Variants in AK5 observed in about 807,000 individuals in gnomAD.
The protein encoded by AK5 is adenylate kinase isoenzyme 5.
AK5 carries 27 observed loss-of-function variants against 69.5 expected under a neutral mutation model. The observed-to-expected ratio is 0.39, with a 90% confidence interval of 0.29 to 0.54. The LOEUF (loss-of-function observed/expected upper bound fraction) is 0.54, where lower values mean the gene tolerates loss of function less well. AK5 is among the 20% of genes least tolerant of loss of function. The pLI is 0.71. For missense variants in AK5, 531 were observed against 700.4 expected (o/e 0.76, Z 2.73); for synonymous variants, 260 against 244.4 (o/e 1.06, Z -0.60).
intron 6 of AK5, among the ~76,000 whole-genome samples, chr1:77,370,655 A>G (rs1321880673): frequency 1.3e-5 from 2 of 152,226 alleles, no homozygotes; most frequent in Admixed American, 6.5e-5. Flanking sequence ...CTGTTCTCCC[A>G]TTTAGTACAG....
Position 77,423,626 on chromosome 1 carries a change from C to G in AK5, c.1059+5911C>G, listed in dbSNP as rs544184426. ...AACAGAAACCCTCAAGCAGAAACGT[C>G]TGTAGAAGCCTGTACCAGGGCTGGA... On this transcript the variant is annotated intron_variant, in intron 8 of 13. Transcript: ENST00000354567. 7.9e-5 allele frequency among the ~76,000 whole-genome samples: 12 copies of G among 152,032 alleles called. No individual in the cohort carries two copies. The Middle Eastern group carries it at 0.014, about 172-fold the overall frequency.
At chr1:77,367,556 T>G (rs111811387) in intron 6 of AK5, among the ~76,000 whole-genome samples, 15,441 of 26,716 alleles carry the variant, frequency 0.58, 3,220 homozygotes, top group Middle Eastern at 0.68. Flanking sequence ...TTATGTTATT[T>G]TTATATATAT....
chr1:77,417,771 T>A, intron 8 of AK5, 56 bp downstream of exon 8: 1 of 1,091,754 alleles, frequency 9.2e-7, no homozygotes, highest in Non-Finnish European at 1.4e-6. Context: ...TGAACCTTTG[T>A]AAATGTTTTA....
At chr1:77,550,256 G>A (rs1659758767) in intron 13 of AK5, among the ~76,000 whole-genome samples, 1 of 152,156 alleles carries the variant, frequency 6.6e-6, no homozygotes, top group African/African-American at 2.4e-5. Flanking sequence ...GTAAATTCTT[G>A]AAGTCAGAAG....
At chr1:77,468,700 T>C (rs1481875872) in intron 8 of AK5, among the ~76,000 whole-genome samples, 1 of 152,238 alleles carries the variant, frequency 6.6e-6, no homozygotes, top group Non-Finnish European at 1.5e-5. Context: ...CATCTATTTG[T>C]GTTTGGTACT....
At chr1:77,409,006 A>G (rs1649851134) in intron 6 of AK5, among the ~76,000 whole-genome samples, 1 of 152,152 alleles carries the variant, frequency 6.6e-6, no homozygotes, top group South Asian at 2.1e-4. Flanking sequence ...AAGTAAGGAC[A>G]TGTGGTATTT....
chr1:77,491,513 G>A (rs1355041091), intron 10 of AK5, among the ~76,000 whole-genome samples: 2 of 151,946 alleles, frequency 1.3e-5, no homozygotes, highest in African/African-American at 4.8e-5. Flanking sequence ...CACCATGTTG[G>A]CCAGGCTGGT....
rs1208780814 is a variant in AK5 at position 77,559,602 on chromosome 1, G to C, written c.*932G>C. On this transcript the variant is annotated 3_prime_UTR_variant, in exon 14 of 14. Coordinates refer to ENST00000354567, the MANE Select transcript of AK5 (RefSeq NM_174858.3). The stretch of plus-strand genomic sequence containing the variant: ...ACCCTAACAAACCTGATGTGGGTGG[G>C]AGGGGCATGTCAGTAAGTGGTGTGT... 1 of 152,184 alleles carries C rather than the reference G, an allele frequency of 6.6e-6. No individual in the cohort carries two copies. The highest frequency in any genetic ancestry group is 2.4e-5 in the African/African-American group (1 of 41,450). 9.4% of individuals were successfully genotyped at this position (152,184 alleles called of 1,614,324 possible).
chr1:77,477,175 A>C (rs1654998734), intron 8 of AK5, among the ~76,000 whole-genome samples: 1 of 152,040 alleles, frequency 6.6e-6, no homozygotes. Flanking sequence ...CCACAGGTGC[A>C]CACCACCATG....
intron 5 of AK5, among the ~76,000 whole-genome samples, chr1:77,340,050 C>T (rs1661569995): frequency 6.6e-6 from 1 of 152,176 alleles, no homozygotes; most frequent in Non-Finnish European, 1.5e-5. Context: ...TTCCTCCCAT[C>T]TAAAATCAAG....
chr1:77,488,432 T>C (rs895572794), intron 10 of AK5, among the ~76,000 whole-genome samples: 1 of 152,180 alleles, frequency 6.6e-6, no homozygotes, highest in Non-Finnish European at 1.5e-5. Flanking sequence ...AATCTTTATA[T>C]TAGGAGCCAA....
intron 9 of AK5, among the ~76,000 whole-genome samples, chr1:77,484,367 T>C (rs1175758888): frequency 6.6e-6 from 1 of 152,214 alleles, no homozygotes; most frequent in Non-Finnish European, 1.5e-5. Context: ...ATAGTATTGA[T>C]TCTAAACACA....
chr1:77,376,632 T>G lies in AK5; in HGVS notation c.892-34349T>G, dbSNP rs146624334. 8.6e-3 allele frequency among the ~76,000 whole-genome samples: 1,306 copies of G among 152,062 alleles called. 16 individuals carry two copies. The highest frequency in any genetic ancestry group is 0.031 in the African/African-American group (1,265 of 41,462). On this transcript the variant is annotated intron_variant, in intron 6 of 13. Coordinates refer to ENST00000354567, the MANE Select transcript of AK5 (RefSeq NM_174858.3). ...GATATCAGCCAAAGTAAAAGGGATA[T>G]GGATGAAATAAGAAATACAGAAGTC...
At chr1:77,326,817 AC>A (rs1192886758) in intron 5 of AK5, among the ~76,000 whole-genome samples, 5 of 152,290 alleles carry the variant, frequency 3.3e-5, no homozygotes, top group African/African-American at 1.2e-4. Flanking sequence ...TTAAATGAAT[AC>A]AATGAAACTA....
chr1:77,322,338 G>A (rs1440796615), intron 5 of AK5, among the ~76,000 whole-genome samples: 2 of 151,662 alleles, frequency 1.3e-5, no homozygotes, highest in Non-Finnish European at 2.9e-5. Flanking sequence ...TTAACTAATG[G>A]TCTCCATGAG....
intron 10 of AK5, among the ~76,000 whole-genome samples, chr1:77,509,249 T>G (rs1657195278): frequency 6.6e-6 from 1 of 152,216 alleles, no homozygotes; most frequent in Non-Finnish European, 1.5e-5. Context: ...ATTTAAAGTT[T>G]TTCCATATAA....
At chr1:77,368,243 A>AGT (rs1647042671) in intron 6 of AK5, among the ~76,000 whole-genome samples, 1 of 17,664 alleles carries the variant, frequency 5.7e-5, no homozygotes, top group African/African-American at 1.2e-4. Flanking sequence ...ATATATATAT[A>AGT]TATATATATA....
intron 12 of AK5, among the ~76,000 whole-genome samples, chr1:77,523,347 C>T (rs1179622579): frequency 6.6e-6 from 1 of 152,078 alleles, no homozygotes; most frequent in Non-Finnish European, 1.5e-5. Context: ...CAGAGCAGAG[C>T]CCCATTACTG....
chr1:77,532,011 C>G (rs1443705706), intron 12 of AK5: 2 of 151,848 alleles, frequency 1.3e-5, no homozygotes, highest in Non-Finnish European at 2.9e-5. Flanking sequence ...GCCGGCCGCT[C>G]CGAGTGCGGG....
Sources: gnomAD v4.1 joint callset for allele counts (sites outside exome capture counted in the v4.1 genomes callset) on GRCh38, gnomAD v4.1.1 for gene constraint, MANE v1.5 for transcripts, NCBI Gene and HGNC (gene_info 2026-07-23, HGNC 2026-07-21) for gene names.